KCNIP3: variants seen among roughly 807,000 people sequenced by gnomAD.
The protein encoded by KCNIP3 is calsenilin.
KCNIP3 carries 28 observed loss-of-function variants against 35.0 expected under a neutral mutation model. That is an observed-to-expected ratio of 0.80 (90% CI 0.59 to 1.10). The LOEUF is 1.10. Ranked by LOEUF, KCNIP3 falls within the 50% of genes least tolerant of loss-of-function variation. KCNIP3 has a pLI of 0.00. For synonymous variants in KCNIP3, 134 were observed against 133.8 expected (o/e 1.00, Z -0.01); for missense variants, 295 against 338.4 (o/e 0.87, Z 1.01).
intron 2 of KCNIP3, among the ~76,000 whole-genome samples, chr2:95,346,392 G>A (rs1470430441): frequency 6.6e-6 from 1 of 151,436 alleles, no homozygotes; most frequent in Admixed American, 6.6e-5. Flanking sequence ...TCCAGGGGCT[G>A]GCGGAGCAGC....
chr2:95,345,717 G>A (rs1473815395), intron 2 of KCNIP3, among the ~76,000 whole-genome samples: 1 of 152,256 alleles, frequency 6.6e-6, no homozygotes, highest in African/African-American at 2.4e-5. Flanking sequence ...GAGGGCAGCA[G>A]AGGGCCAGGC....
In KCNIP3 at chr2:95,384,005, G is replaced by A. The variant is rs1270604394; in HGVS notation, c.727G>A (p.Glu243Lys). The A allele has an allele frequency of 6.2e-7, 1 of 1,613,978 alleles. No individual in the cohort carries two copies. The highest frequency in any genetic ancestry group is 2.2e-5 in the East Asian group (1 of 44,874). Residue 243 changes from glutamate to lysine, a missense_variant, in exon 9 of 9, where the codon GAG becomes AAG. Physicochemically the swap from Glu to Lys is moderately conservative, Grantham distance 56. Transcript: ENST00000295225. ...CTCCCTTCCTCTCTCCATGCAGGAT[G>A]AGAACATCATGAGCTCCATGCAGCT... ...EEFLEACQKDENIMSSMQLFE... is the reference protein window; with the variant it reads ...EEFLEACQKDKNIMSSMQLFE...
At chr2:95,383,125 C>CCA in intron 7 of KCNIP3, 107 bp from the exon 8 acceptor site, 1 of 332,574 alleles carries the variant, frequency 3.0e-6, no homozygotes, top group Non-Finnish European at 6.0e-6. Flanking sequence ...ACCCGCCCAT[C>CCA]CACCCACCCG....
chr2:95,314,143 C>T (rs77042385), intron 2 of KCNIP3, among the ~76,000 whole-genome samples: 1,610 of 152,212 alleles, frequency 0.011, 13 homozygotes, highest in Middle Eastern at 0.02. Context: ...ACACCACCAC[C>T]AGTGCTCCTG....
Position 95,374,304 on chromosome 2 carries a change from G to A in KCNIP3, c.190G>A (p.Asp64Asn), listed in dbSNP as rs199867139. The change falls in exon 3 of 9, where the codon GAC (aspartate) becomes AAC (asparagine). Residue 64 changes from aspartate to asparagine, a missense_variant. By Grantham distance (23) the Asp-to-Asn change is conservative. Coordinates refer to ENST00000295225, the MANE Select transcript of KCNIP3 (RefSeq NM_013434.5). The stretch of plus-strand genomic sequence containing the variant: ...TCTGTGTCCCACTCCAGATAGCAGC[G>A]ACAGTGAGCTGGAGCTGTCCACGGT... ...STAPQGSDSSDSELELSTVRH... is the reference protein window; with the variant it reads ...STAPQGSDSSNSELELSTVRH... The A allele has an allele frequency of 4.3e-6, 7 of 1,613,890 alleles. No homozygotes were observed. Among genetic ancestry groups the A allele is most frequent in the East Asian group, 4.5e-5 (2 of 44,874 alleles).
At chr2:95,367,091 G>A (rs1193395804) in intron 2 of KCNIP3, among the ~76,000 whole-genome samples, 2 of 151,936 alleles carry the variant, frequency 1.3e-5, no homozygotes, top group East Asian at 3.9e-4. Context: ...TCGCCAACAT[G>A]GTGAAATCCT....
Position 95,384,266 on chromosome 2 carries a change from G to A in KCNIP3, c.*217G>A. The A allele has an allele frequency of 3.5e-6, 2 of 568,846 alleles. No individual in the cohort carries two copies. Among genetic ancestry groups the A allele is most frequent in the South Asian group, 4.4e-5 (2 of 45,224 alleles). 35.2% of individuals were successfully genotyped at this position (568,846 alleles called of 1,614,324 possible). On this transcript the variant is annotated 3_prime_UTR_variant, in exon 9 of 9. Coordinates refer to ENST00000295225, the MANE Select transcript of KCNIP3 (RefSeq NM_013434.5). Reference sequence around the variant, plus strand: ...CAGGGAGGGGCTGAGTCTGGCTAGGGGCCGAGTCCAGGAGCCCCAGCCAGC... The same window carrying A: ...CAGGGAGGGGCTGAGTCTGGCTAGGAGCCGAGTCCAGGAGCCCCAGCCAGC...
chr2:95,361,878 G>A (rs964968377), intron 2 of KCNIP3, among the ~76,000 whole-genome samples: 1 of 152,146 alleles, frequency 6.6e-6, no homozygotes, highest in Admixed American at 6.5e-5. Flanking sequence ...AGATGTCTTA[G>A]TCTTCTCTGG....
chr2:95,324,081 C>G (rs1259173682), intron 2 of KCNIP3, among the ~76,000 whole-genome samples: 1 of 152,234 alleles, frequency 6.6e-6, no homozygotes, highest in Non-Finnish European at 1.5e-5. Flanking sequence ...CCCACCTCCC[C>G]TCCGTGGGCT....
At chr2:95,346,315 C>A (rs1397040078) in intron 2 of KCNIP3, among the ~76,000 whole-genome samples, 1 of 151,522 alleles carries the variant, frequency 6.6e-6, no homozygotes, top group Non-Finnish European at 1.5e-5. Flanking sequence ...TCCTCTCGGG[C>A]TCCCGGCCCC....
At position 95,384,269 on chromosome 2, in the gene KCNIP3, C is replaced by T. The variant is rs1184114662; in HGVS notation, c.*220C>T. 6 of 561,656 alleles carry T rather than the reference C, an allele frequency of 1.1e-5. No homozygotes were observed. The highest frequency in any genetic ancestry group is 4.5e-5 in the South Asian group (2 of 44,220). The allele number at this position is 561,656 out of a possible 1,614,324, so 34.8% of individuals were successfully genotyped here. On this transcript the variant is annotated 3_prime_UTR_variant, in exon 9 of 9. Transcript: ENST00000295225. ...GGAGGGGCTGAGTCTGGCTAGGGGC[C>T]GAGTCCAGGAGCCCCAGCCAGCCCT...
chr2:95,383,476 G>C (rs1185541373), intron 8 of KCNIP3, among the ~76,000 whole-genome samples, 182 bp downstream of exon 8: 1 of 151,880 alleles, frequency 6.6e-6, no homozygotes, highest in Non-Finnish European at 1.5e-5. Context: ...TCTTGTCTGA[G>C]TCTCCTCCTC....
rs1228788229 is a variant in KCNIP3, at chr2:95,326,152, TATATACGCACTCATATACAC to T, written c.181+15639_181+15658del. The stretch of plus-strand genomic sequence containing the variant: ...TTATAAAGTCAGACACACATACACT[TATATACGCACTCATATACAC>T]ATATACACAGTCATACACACATACA... On this transcript the variant is annotated intron_variant, in intron 2 of 8. Transcript: ENST00000295225. Among the ~76,000 whole-genome samples, 13 of 150,578 alleles carry T rather than the reference TATATACGCACTCATATACAC, an allele frequency of 8.6e-5. No individual in the cohort carries two copies. In the East Asian group the frequency reaches 2.6e-3, roughly 30 times the overall value.
chr2:95,322,318 T>C (rs554317826), intron 2 of KCNIP3, among the ~76,000 whole-genome samples: 2 of 152,224 alleles, frequency 1.3e-5, no homozygotes, highest in Non-Finnish European at 2.9e-5. Flanking sequence ...GCTGTGTTTG[T>C]GCCACTGCAC....
chr2:95,370,390 C>T (rs974755957), intron 2 of KCNIP3, among the ~76,000 whole-genome samples: 4 of 152,212 alleles, frequency 2.6e-5, no homozygotes, highest in African/African-American at 9.6e-5. Context: ...GGATGTGGTT[C>T]ACAGTCCTAA....
At chr2:95,349,983 G>A (rs1679472671) in intron 2 of KCNIP3, among the ~76,000 whole-genome samples, 1 of 152,166 alleles carries the variant, frequency 6.6e-6, no homozygotes, top group Non-Finnish European at 1.5e-5. Context: ...TTAACACAGT[G>A]GGGTCCCAGT....
chr2:95,374,221 G>T (rs1327062108), intron 2 of KCNIP3, 75 bp from the exon 3 acceptor site: 3 of 1,567,044 alleles, frequency 1.9e-6, no homozygotes, highest in Non-Finnish European at 2.6e-6. Context: ...TTTGGCCCAT[G>T]CCCTGGCCAC....
Position 95,382,915 on chromosome 2 carries a change from C to T in KCNIP3, c.661-317C>T, listed in dbSNP as rs536178445. 9.8e-4 allele frequency among the ~76,000 whole-genome samples: 149 copies of T among 152,302 alleles called. 1 individual carries two copies. The highest frequency in any genetic ancestry group is 3.1e-3 in the African/African-American group (128 of 41,582). ...TGCTCCCTCTGCCCTGGCTGCCTCT[C>T]AGGGAGGTGAGGCGGTCAGATGAGC... On this transcript the variant is annotated intron_variant, in intron 7 of 8. Coordinates refer to ENST00000295225, the MANE Select transcript of KCNIP3 (RefSeq NM_013434.5). This position sits in a 1 kb window ranked among gnomAD's most constrained non-coding sequence, Gnocchi z 4.5.
At chr2:95,349,012 A>G (rs763621957) in intron 2 of KCNIP3, among the ~76,000 whole-genome samples, 7 of 152,286 alleles carry the variant, frequency 4.6e-5, no homozygotes, top group Middle Eastern at 6.8e-3. Context: ...TATCAGGGAT[A>G]TTAGCAATGC....
Sources: gnomAD v4.1 joint callset for allele counts (sites outside exome capture counted in the v4.1 genomes callset) on GRCh38, gnomAD v4.1.1 for gene constraint, Gnocchi (gnomAD v3.1) non-coding constraint, MANE v1.5 for transcripts, NCBI Gene and HGNC (gene_info 2026-07-23, HGNC 2026-07-21) for gene names.